Variants in ZBTB37 observed in about 807,000 individuals in gnomAD.
ZBTB37 encodes the protein zinc finger and BTB domain containing 37.
In ZBTB37, 15 loss-of-function variants were observed where a neutral mutation model predicts 37.7. That is an observed-to-expected ratio of 0.40 (90% CI 0.27 to 0.61). The LOEUF (loss-of-function observed/expected upper bound fraction) is 0.61. Among genes scored for constraint, ZBTB37 ranks in the 20% least tolerant of loss-of-function variants. The pLI, the probability that ZBTB37 is intolerant of heterozygous loss-of-function variation, is 0.44. For missense variants in ZBTB37, 514 were observed against 641.9 expected (o/e 0.80, Z 2.15); for synonymous variants, 231 against 220.6 (o/e 1.05, Z -0.42).
chr1:173,870,975 G>A (rs758963559), exon 3 of ZBTB37: 1 of 1,614,244 alleles, frequency 6.2e-7, no homozygotes, highest in South Asian at 1.1e-5. Context: ...CTGAAAATCT[G>A]GAGGAGTGGC....
At chr1:173,897,014 G>T (rs1021970133) in exon 4 of ZBTB37, 1 of 152,044 alleles carries the variant, frequency 6.6e-6, no homozygotes, top group Non-Finnish European at 1.5e-5. Flanking sequence ...CATGTAACTC[G>T]AATTTTTTTT....
At chr1:173,895,075 C>T (rs1263064545) in exon 4 of ZBTB37, 1 of 152,126 alleles carries the variant, frequency 6.6e-6, no homozygotes, top group Non-Finnish European at 1.5e-5. Context: ...TAGAAATACT[C>T]TAGAGGGAGT....
chr1:173,870,816 G>C, exon 3 of ZBTB37: 1 of 1,614,218 alleles, frequency 6.2e-7, no homozygotes, highest in Non-Finnish European at 8.5e-7. Flanking sequence ...CCAGCCCTCA[G>C]ATCATTGAAC....
rs779315796 is a variant in ZBTB37, at chr1:173,870,881, A to G, written c.656A>G (p.Gln219Arg). The change falls in exon 3 of 5, where the codon CAG (glutamine) becomes CGG (arginine). Residue 219 changes from glutamine (Q) to arginine (R), a missense_variant. Transcript: ENST00000427304. ...ATTCTTCGGATCAACCGAGCAGGAC[A>G]GTGGTATGTGGAGACAGGAGTGGCG... The G allele has an allele frequency of 1.5e-5, 24 of 1,614,214 alleles. No homozygotes were observed. The South Asian group carries it at 2.2e-4, about 15-fold the overall frequency.
chr1:173,871,693 T>C (rs577212664), intron 3 of ZBTB37, among the ~76,000 whole-genome samples: 17 of 152,250 alleles, frequency 1.1e-4, no homozygotes, highest in Non-Finnish European at 2.2e-4. Flanking sequence ...TTTTTTCCCT[T>C]GTCACGTGAT....
downstream of ZBTB37, chr1:173,886,776 G>A (rs1656643752): frequency 6.6e-6 from 1 of 152,498 alleles, no homozygotes; most frequent in South Asian, 2.1e-4. Flanking sequence ...ATCACCTGAA[G>A]CACTTGGCAA....
chr1:173,874,255 CAAAAAA>C (rs1285477473), intron 4 of ZBTB37, among the ~76,000 whole-genome samples: 1 of 46,772 alleles, frequency 2.1e-5, no homozygotes, highest in Non-Finnish European at 4.4e-5. Flanking sequence ...AACTCCGTCT[CAAAAAA>C]AAAAAAAAAA....
chr1:173,875,208 A>T (rs1655877253), intron 4 of ZBTB37, among the ~76,000 whole-genome samples: 1 of 151,044 alleles, frequency 6.6e-6, no homozygotes, highest in African/African-American at 2.4e-5. Flanking sequence ...CACTATGTAT[A>T]CTATAGTATG....
At chr1:173,870,216 A>G (rs745690470) in exon 3 of ZBTB37, 5 of 1,595,044 alleles carry the variant, frequency 3.1e-6, no homozygotes, top group Admixed American at 3.5e-5. Flanking sequence ...ATGCACCCTC[A>G]GGCACGACCA....
At chr1:173,894,800 T>TTTTTG (rs1199512647) in exon 4 of ZBTB37, 1 of 152,246 alleles carries the variant, frequency 6.6e-6, no homozygotes, top group Non-Finnish European at 1.5e-5. Context: ...GTTAATGTTT[T>TTTTTG]TTTTGTTTTG....
In ZBTB37 at chr1:173,870,758, T is replaced by G. The variant is rs148954062; in HGVS notation, c.533T>G (p.Val178Gly). 14 of 1,613,888 alleles carry G rather than the reference T, an allele frequency of 8.7e-6. No homozygotes were observed. The African/African-American group carries it at 1.7e-4, about 20-fold the overall frequency. ...CCAAAGGGAAACCGGCGAGGTCAGG[T>G]TAGTGCTGTGCTGGATATCAGAGAG... The change falls in exon 3 of 5, where the codon GTT becomes GGT. Residue 178 changes from valine to glycine, a missense_variant. Physicochemically the swap from Val to Gly is moderately radical, Grantham distance 109 (BLOSUM62 -3). Around this residue, in one of 3 missense-constraint regions of ZBTB37, gnomAD observed 323 missense variants for 321.9 expected, o/e 1.00. Coordinates refer to ENST00000427304, the Ensembl canonical transcript of ZBTB37.
At chr1:173,870,528 C>T (rs1557881201) in exon 3 of ZBTB37, 1 of 1,614,204 alleles carries the variant, frequency 6.2e-7, no homozygotes, top group Non-Finnish European at 8.5e-7. Flanking sequence ...ATATCATCAG[C>T]TACCTAACAG....
chr1:173,884,153 ATT>A (rs1246346820), intron 4 of ZBTB37, among the ~76,000 whole-genome samples: 23 of 141,812 alleles, frequency 1.6e-4, no homozygotes, highest in Admixed American at 1.4e-4. Flanking sequence ...AAATCCAAAG[ATT>A]TTTTTTTTTT....
rs1023781341 is a variant in ZBTB37, at chr1:173,875,421, G to T, written c.1023+1855G>T. On this transcript the variant is annotated intron_variant, in intron 4 of 4. Transcript: ENST00000427304. ...GCTCGCTGCAATCTCTGCCTCCTGG[G>T]TTCAAACGGTTCTCCTGCCTCAACC... Among the ~76,000 whole-genome samples the T allele has an allele frequency of 1.5e-4, 22 of 150,756 alleles. 1 individual carries two copies. Among genetic ancestry groups the T allele is most frequent in the African/African-American group, 5.1e-4 (21 of 41,008 alleles).
chr1:173,868,210 C>G (rs1301259696), upstream of ZBTB37: 1 of 153,986 alleles, frequency 6.5e-6, no homozygotes, highest in South Asian at 1.8e-4. Flanking sequence ...TGCTCCCGCC[C>G]TCCTCCCGAC....
chr1:173,891,345 A>G (rs896809093), downstream of ZBTB37: 9 of 152,308 alleles, frequency 5.9e-5, no homozygotes, highest in East Asian at 5.8e-4. Flanking sequence ...TCCCTTTGCA[A>G]TGTATCTTAA....
chr1:173,872,022 A>T (rs570297198), intron 3 of ZBTB37, among the ~76,000 whole-genome samples: 1 of 152,228 alleles, frequency 6.6e-6, no homozygotes, highest in African/African-American at 2.4e-5. Flanking sequence ...TATCACAGAG[A>T]TTCAGTTAGT....
At chr1:173,870,051 T>C in intron 2 of ZBTB37, 149 bp from the exon 3 acceptor site, 1 of 575,720 alleles carries the variant, frequency 1.7e-6, no homozygotes, top group Non-Finnish European at 2.9e-6. Flanking sequence ...GTGATTCTGT[T>C]TCCACATCTA....
chr1:173,885,685 G>A (rs1209389835), exon 5 of ZBTB37: 18 of 1,551,932 alleles, frequency 1.2e-5, no homozygotes, highest in East Asian at 2.4e-5. Context: ...GAGTATCTCC[G>A]AGAGCAGGAA....
Sources: gnomAD v4.1 joint callset for allele counts (sites outside exome capture counted in the v4.1 genomes callset) on GRCh38, gnomAD v4.1.1 for gene constraint, gnomAD v4.1.1 regional missense constraint, MANE v1.5 for transcripts, NCBI Gene and HGNC (gene_info 2026-07-23, HGNC 2026-07-21) for gene names.